PCDHGA1: variants seen among roughly 807,000 people sequenced by gnomAD.
PCDHGA1 encodes protocadherin gamma subfamily A, 1, also known as protocadherin gamma-A1.
Under a neutral mutation model 58.0 loss-of-function variants are expected in PCDHGA1, and 32 were observed. That is an observed-to-expected ratio of 0.55 (90% CI 0.42 to 0.74). The LOEUF is 0.74. Ranked by LOEUF, PCDHGA1 falls within the 30% of genes least tolerant of loss-of-function variation. PCDHGA1 has a pLI of 0.00. For synonymous variants in PCDHGA1, 498 were observed against 501.1 expected (o/e 0.99, Z 0.08); for missense variants, 1,205 against 1,182.3 (o/e 1.02, Z -0.28).
At position 141,487,780 on chromosome 5, in the gene PCDHGA1, C is replaced by T. The variant is rs1423149; in HGVS notation, c.2422-7027C>T. On this transcript the variant is annotated intron_variant, in intron 1 of 3. Transcript: ENST00000517417. The surrounding 1 kb of genome is among the most constrained non-coding windows in gnomAD (Gnocchi z 5.0). ...TAGACGCTGTGCTTTGTAACTGTTT[C>T]GTGAATTAACCAGAGTTGTCACAGT... 0.06 allele frequency: 91,434 copies of T among 1,526,176 alleles called. 5,728 individuals carry two copies. Among genetic ancestry groups the T allele is most frequent in the African/African-American group, 0.33 (23,789 of 72,466 alleles). The allele number at this position is 1,526,176 out of a possible 1,614,324, so 94.5% of individuals were successfully genotyped here. A position where few individuals can be genotyped will look rare whatever the true frequency, so the allele number is the denominator to read the frequency against.
Position 141,333,407 on chromosome 5 carries a change from A to AT in PCDHGA1, c.2421+306dup, listed in dbSNP as rs1561474525. 30 of 449,520 alleles carry AT rather than the reference A, an allele frequency of 6.7e-5. No individual in the cohort carries two copies. The South Asian group carries it at 1.1e-3, about 17-fold the overall frequency. The allele number at this position is 449,520 out of a possible 1,614,324, so 27.8% of individuals were successfully genotyped here. A position where few individuals can be genotyped will look rare whatever the true frequency, so the allele number is the denominator to read the frequency against. On this transcript the variant is annotated intron_variant, in intron 1 of 3. Transcript: ENST00000517417. ...TAGAAACGGCGATCTAGCTTCTAAC[A>AT]TTTTCTTACTTGCCTCTGGGCTAAA...
At chr5:141,461,501 T>A (rs113852528) in intron 1 of PCDHGA1, among the ~76,000 whole-genome samples, 4 of 152,310 alleles carry the variant, frequency 2.6e-5, no homozygotes, top group South Asian at 2.1e-4. Context: ...TTATTTTTCT[T>A]GGTGATTTGT....
At chr5:141,465,644 A>G (rs1320011410) in intron 1 of PCDHGA1, among the ~76,000 whole-genome samples, 2 of 152,186 alleles carry the variant, frequency 1.3e-5, no homozygotes, top group African/African-American at 4.8e-5. Context: ...TGCTTTGAAC[A>G]TCCCAAAAAA....
intron 1 of PCDHGA1, chr5:141,384,125 A>T (rs376990785): frequency 1.2e-6 from 2 of 1,610,814 alleles, no homozygotes; most frequent in Non-Finnish European, 1.7e-6. Flanking sequence ...ACAACCAAAA[A>T]CTTGGACCGG....
rs749528675 is a variant in PCDHGA1, at chr5:141,490,604, A to G, written c.2422-4203A>G. On this transcript the variant is annotated intron_variant, in intron 1 of 3. Coordinates refer to ENST00000517417, the MANE Select transcript of PCDHGA1 (RefSeq NM_018912.3). This position sits in a 1 kb window ranked among gnomAD's most constrained non-coding sequence, Gnocchi z 5.4. ...GTCAATGACAATGCACCCCGCTTCA[A>G]CCAGCAGCTTTACACTGCTTACATC... is the stretch of plus-strand genomic sequence containing the variant. 13 of 1,614,192 alleles carry G rather than the reference A, an allele frequency of 8.1e-6. No homozygotes were observed. Among genetic ancestry groups the G allele is most frequent in the Non-Finnish European group, 1.1e-5 (13 of 1,180,022 alleles).
intron 1 of PCDHGA1, chr5:141,365,297 G>T (rs538677777): frequency 6.2e-7 from 1 of 1,613,896 alleles, no homozygotes; most frequent in Non-Finnish European, 8.5e-7. Flanking sequence ...GGTAGCTCAG[G>T]ATGGAGGCGC....
chr5:141,375,820 C>T (rs62378422), intron 1 of PCDHGA1: 145,173 of 1,614,058 alleles, frequency 0.09, 7,179 homozygotes, highest in African/African-American at 0.18. Context: ...AGCTGGCGCC[C>T]CGCTCCGCAG....
intron 1 of PCDHGA1, among the ~76,000 whole-genome samples, chr5:141,380,866 A>G (rs945856253): frequency 3.3e-5 from 5 of 152,264 alleles, no homozygotes; most frequent in Admixed American, 3.3e-4. Context: ...GAGAGCTATA[A>G]CCTCCAAACA....
chr5:141,389,356 C>A (rs188323445), intron 1 of PCDHGA1: 4 of 1,613,916 alleles, frequency 2.5e-6, no homozygotes, highest in Non-Finnish European at 3.4e-6. Flanking sequence ...TGCATCATGG[C>A]CAGTGACCTG....
chr5:141,384,981 G>T (rs1780732379), intron 1 of PCDHGA1: 1 of 1,614,142 alleles, frequency 6.2e-7, no homozygotes, highest in Non-Finnish European at 8.5e-7. Context: ...TGTACCTGGT[G>T]GTGGCGGTGG....
In PCDHGA1 at chr5:141,490,594, C is replaced by A. The variant is rs1276468877; in HGVS notation, c.2422-4213C>A. The A allele has an allele frequency of 2.5e-6, 4 of 1,614,056 alleles. No individual in the cohort carries two copies. The highest frequency in any genetic ancestry group is 1.6e-4 in the Middle Eastern group (1 of 6,084). On this transcript the variant is annotated intron_variant, in intron 1 of 3. Transcript: ENST00000517417. The surrounding 1 kb of genome is among the most constrained non-coding windows in gnomAD (Gnocchi z 5.4). ...CATTTCAGATGTCAATGACAATGCA[C>A]CCCGCTTCAACCAGCAGCTTTACAC...
At position 141,352,620 on chromosome 5, in the gene PCDHGA1, C is replaced by T. The variant is rs368592075; in HGVS notation, c.2421+19515C>T. 1.8e-5 allele frequency: 29 copies of T among 1,612,472 alleles called. No homozygotes were observed. Among genetic ancestry groups the T allele is most frequent in the Non-Finnish European group, 2.3e-5 (27 of 1,179,182 alleles). On this transcript the variant is annotated intron_variant, in intron 1 of 3. Transcript: ENST00000517417. ...GATGATCCTTCTATGGTTGTATGTGCCAGTAATGAAGATCACAAAATCGCT... is the reference window on the plus strand; with the variant it reads ...GATGATCCTTCTATGGTTGTATGTGTCAGTAATGAAGATCACAAAATCGCT...
intron 1 of PCDHGA1, chr5:141,371,291 G>A (rs755232454): frequency 2.5e-6 from 4 of 1,613,976 alleles, no homozygotes; most frequent in Non-Finnish European, 3.4e-6. Context: ...GTAAAACGGG[G>A]GAACTCACCA....
chr5:141,422,800 C>T, intron 1 of PCDHGA1: 1 of 1,614,214 alleles, frequency 6.2e-7, no homozygotes, highest in Non-Finnish European at 8.5e-7. Context: ...CGACTATGAG[C>T]AGTTTCGAGA....
intron 1 of PCDHGA1, among the ~76,000 whole-genome samples, chr5:141,425,555 A>T (rs1282440598): frequency 6.6e-6 from 1 of 152,270 alleles, no homozygotes; most frequent in African/African-American, 2.4e-5. Flanking sequence ...AACCTCTTTT[A>T]TAAGTGATAA....
At chr5:141,376,043 C>G (rs201022484) in intron 1 of PCDHGA1, 1 of 1,613,172 alleles carries the variant, frequency 6.2e-7, no homozygotes, top group Non-Finnish European at 8.5e-7. Context: ...CCAGCCCCCT[C>G]TCTCCGCCAC....
chr5:141,452,914 TAAGA>T (rs1164409830), intron 1 of PCDHGA1, among the ~76,000 whole-genome samples: 1 of 152,226 alleles, frequency 6.6e-6, no homozygotes, highest in African/African-American at 2.4e-5. Flanking sequence ...CATTATACAG[TAAGA>T]AAGAGCTGCT....
intron 1 of PCDHGA1, among the ~76,000 whole-genome samples, chr5:141,482,875 C>T (rs2099573976): frequency 6.6e-6 from 1 of 151,958 alleles, no homozygotes; most frequent in African/African-American, 2.4e-5. Context: ...AGTTTGAAAC[C>T]AGCCTGGCCA....
intron 1 of PCDHGA1, chr5:141,343,897 A>C (rs763761194): frequency 1.8e-5 from 14 of 780,324 alleles, no homozygotes; most frequent in Admixed American, 1.5e-4. Flanking sequence ...GCGGCTGCCA[A>C]CCTCACCTCT....
Sources: allele counts gnomAD v4.1 joint callset (sites outside exome capture counted in the v4.1 genomes callset), GRCh38; gene constraint gnomAD v4.1.1; non-coding constraint Gnocchi (gnomAD v3.1); transcripts MANE v1.5; gene names NCBI Gene and HGNC (gene_info 2026-07-23, HGNC 2026-07-21).